Variants in DMRT1 observed in about 807,000 individuals in gnomAD.
The protein encoded by DMRT1 is doublesex and mab-3 related transcription factor 1, also known as doublesex- and mab-3-related transcription factor 1.
Under a neutral mutation model 32.3 loss-of-function variants are expected in DMRT1, and 7 were observed. The observed-to-expected ratio is 0.22, with a 90% CI of 0.12 to 0.41. The LOEUF (loss-of-function observed/expected upper bound fraction) is 0.41, where lower values mean the gene tolerates loss of function less well. Ranked by LOEUF, DMRT1 falls within the 10% of genes least tolerant of loss-of-function variation. The pLI, the probability that DMRT1 is intolerant of heterozygous loss-of-function variation, is 1.00. For missense variants in DMRT1, 625 were observed against 500.5 expected, an observed-to-expected ratio of 1.25 and a Z score of -2.37; for synonymous variants, 278 against 206.1, an observed-to-expected ratio of 1.35 and a Z score of -2.99.
chr9:902,819 C>T (rs1281950892), intron 3 of DMRT1, among the ~76,000 whole-genome samples: 2 of 152,102 alleles, frequency 1.3e-5, no homozygotes, highest in African/African-American at 2.4e-5. Flanking sequence ...GCCATGGGAA[C>T]ACCCTCATGC....
chr9:863,521 C>G (rs1013185614), intron 2 of DMRT1, among the ~76,000 whole-genome samples: 2 of 152,150 alleles, frequency 1.3e-5, no homozygotes, highest in African/African-American at 4.8e-5. Context: ...CAGCCCTCAG[C>G]TGACAGCCAG....
intron 2 of DMRT1, among the ~76,000 whole-genome samples, chr9:865,278 C>G (rs1815931130): frequency 6.6e-6 from 1 of 152,142 alleles, no homozygotes. Flanking sequence ...GATCTGGAGT[C>G]AAAAGACCTG....
At chr9:882,297 C>G (rs1816763227) in intron 2 of DMRT1, among the ~76,000 whole-genome samples, 1 of 152,158 alleles carries the variant, frequency 6.6e-6, no homozygotes. Context: ...CAGGAGCACC[C>G]CCATTCTCCT....
intron 2 of DMRT1, among the ~76,000 whole-genome samples, chr9:883,463 C>A: frequency 6.6e-6 from 1 of 152,010 alleles, no homozygotes; most frequent in East Asian, 1.9e-4. Flanking sequence ...TCGAATGACA[C>A]AGCCTTTTAA....
At chr9:916,150 A>G (rs1210642202) in intron 3 of DMRT1, among the ~76,000 whole-genome samples, 1 of 152,118 alleles carries the variant, frequency 6.6e-6, no homozygotes, top group Non-Finnish European at 1.5e-5. Context: ...CGTTCAAACA[A>G]ATTTGTTAGT....
chr9:841,731 C>A lies in DMRT1; in HGVS notation c.-108C>A. 2 of 1,545,246 alleles carry A rather than the reference C, an allele frequency of 1.3e-6. No individual in the cohort carries two copies. Among genetic ancestry groups the A allele is most frequent in the Non-Finnish European group, 8.7e-7 (1 of 1,146,480 alleles). On this transcript the variant is annotated 5_prime_UTR_variant, in exon 1 of 5. Transcript: ENST00000382276. Reference sequence around the variant, plus strand: ...GCGCCTCCGGCTGCAGCGCACACGTCTCCTGCGCCTCCTCCTCCGGAGCGT... The same window carrying A: ...GCGCCTCCGGCTGCAGCGCACACGTATCCTGCGCCTCCTCCTCCGGAGCGT...
chr9:932,018 C>G (rs1462396730), intron 4 of DMRT1, among the ~76,000 whole-genome samples: 4 of 152,164 alleles, frequency 2.6e-5, no homozygotes. Flanking sequence ...CACAGAGACC[C>G]CAGCCCACGT....
intron 2 of DMRT1, among the ~76,000 whole-genome samples, chr9:876,591 T>A (rs1795387252): frequency 6.6e-6 from 1 of 150,934 alleles, no homozygotes; most frequent in African/African-American, 2.4e-5. Flanking sequence ...AGTGCAGTGG[T>A]GAAATCATAG....
intron 4 of DMRT1, among the ~76,000 whole-genome samples, chr9:950,517 C>T (rs1480631362): frequency 1.3e-5 from 2 of 152,076 alleles, no homozygotes; most frequent in East Asian, 1.9e-4. Flanking sequence ...ATGTTAATAT[C>T]CACCTCCCCA....
chr9:932,958 G>A (rs994322853), intron 4 of DMRT1, among the ~76,000 whole-genome samples: 1 of 152,030 alleles, frequency 6.6e-6, no homozygotes, highest in South Asian at 2.1e-4. Context: ...TGTCACCCAG[G>A]CTGGAGTGCA....
chr9:872,769 A>G (rs966663181), intron 2 of DMRT1, among the ~76,000 whole-genome samples: 10 of 152,194 alleles, frequency 6.6e-5, no homozygotes, highest in Admixed American at 2.0e-4. Flanking sequence ...AAATATATGT[A>G]TTCTCTTGTG....
rs564179665 is a variant in DMRT1 at position 956,608 on chromosome 9, CCATA to C, written c.968-11374_968-11371del. Among the ~76,000 whole-genome samples the C allele has an allele frequency of 2.3e-4, 35 of 151,302 alleles. No homozygotes were observed. In the South Asian group the frequency reaches 3.1e-3, roughly 14 times the overall value. ...AACAAAAAACCCAAAATTTAAAAGG[CCATA>C]CAGACAATTTTTAAATGATGAAATG... On this transcript the variant is annotated intron_variant, in intron 4 of 4. Transcript: ENST00000382276.
In DMRT1 at chr9:841,842, C is replaced by G; in HGVS notation, c.4C>G (p.Pro2Ala). 2 of 1,610,838 alleles carry G rather than the reference C, an allele frequency of 1.2e-6. No individual in the cohort carries two copies. Among genetic ancestry groups the G allele is most frequent in the South Asian group, 1.1e-5 (1 of 90,448 alleles). The change falls in exon 1 of 5, where the codon CCC (proline) becomes GCC (alanine). Residue 2 changes from proline to alanine, a missense_variant. Pro to Ala is a conservative substitution (Grantham distance 27, BLOSUM62 -1). Transcript: ENST00000382276. MPNDEAFSKPST... is the reference protein window; with the variant it reads MANDEAFSKPST... ...TCGCACTTCTCCTAGGGGCACCATG[C>G]CCAACGACGAGGCATTCAGCAAGCC...
intron 4 of DMRT1, among the ~76,000 whole-genome samples, chr9:932,321 C>T (rs1163611204): frequency 2.6e-5 from 4 of 152,268 alleles, no homozygotes; most frequent in African/African-American, 9.6e-5. Context: ...GCAGATACAG[C>T]AGAATTTGGG....
At chr9:902,966 A>G (rs1030222737) in intron 3 of DMRT1, among the ~76,000 whole-genome samples, 3 of 152,014 alleles carry the variant, frequency 2.0e-5, no homozygotes, top group African/African-American at 7.2e-5. Flanking sequence ...AGGAAATGCA[A>G]CTCCAAAGTC....
intron 2 of DMRT1, among the ~76,000 whole-genome samples, chr9:860,867 C>T (rs1022103596): frequency 6.6e-6 from 1 of 152,048 alleles, no homozygotes; most frequent in African/African-American, 2.4e-5. Flanking sequence ...TGTGCTGAGG[C>T]AGGCAGCTGT....
intron 4 of DMRT1, among the ~76,000 whole-genome samples, chr9:939,996 C>G (rs1044858395): frequency 4.6e-5 from 7 of 152,098 alleles, no homozygotes; most frequent in African/African-American, 1.2e-4. Flanking sequence ...AAACGCAAAT[C>G]AAACTCATGA....
intron 3 of DMRT1, among the ~76,000 whole-genome samples, chr9:906,703 A>G (rs1817788996): frequency 6.6e-6 from 1 of 152,026 alleles, no homozygotes; most frequent in South Asian, 2.1e-4. Flanking sequence ...CAGACAATCA[A>G]AAAAAAAGTT....
rs199606643 is a variant in DMRT1 at position 897,128 on chromosome 9, T to A, written c.822+2933T>A. On this transcript the variant is annotated intron_variant, in intron 3 of 4. Coordinates refer to ENST00000382276, the MANE Select transcript of DMRT1 (RefSeq NM_021951.3). ...TATTATTATTATTATTATTATTATTTTTGAGACAGATTCTCGCTCTGTCGC... is the reference window on the plus strand; with the variant it reads ...TATTATTATTATTATTATTATTATTATTGAGACAGATTCTCGCTCTGTCGC... Among the ~76,000 whole-genome samples the A allele has an allele frequency of 6.0e-5, 8 of 134,078 alleles. No homozygotes were observed. The South Asian group carries it at 1.6e-3, about 27-fold the overall frequency. 88.0% of individuals were successfully genotyped at this position (134,078 alleles called of 152,430 possible).
Sources: gnomAD v4.1 joint callset for allele counts (sites outside exome capture counted in the v4.1 genomes callset) on GRCh38, gnomAD v4.1.1 for gene constraint, MANE v1.5 for transcripts, NCBI Gene and HGNC (gene_info 2026-07-23, HGNC 2026-07-21) for gene names.